CNTNAP3B: variants seen among roughly 807,000 people sequenced by gnomAD.
CNTNAP3B encodes contactin-associated protein-like 3B.
CNTNAP3B carries 25 observed loss-of-function variants against 108.9 expected under a neutral mutation model. The observed-to-expected ratio is 0.23, with a 90% CI of 0.17 to 0.32. The LOEUF (loss-of-function observed/expected upper bound fraction) is 0.32, where lower values mean the gene tolerates loss of function less well. Among genes scored for constraint, CNTNAP3B ranks in the 10% least tolerant of loss-of-function variants. CNTNAP3B has a pLI of 1.00. For missense variants in CNTNAP3B, 252 were observed against 1,210.4 expected, an observed-to-expected ratio of 0.21 and a Z score of 11.75; for synonymous variants, 103 against 473.4, an observed-to-expected ratio of 0.22 and a Z score of 10.16.
In CNTNAP3B at chr9:42,030,813, G is replaced by GGGGAGAGAGA. The variant is rs1554751524; in HGVS notation, c.391-17289_391-17288insTCTCTCTCCC. 3.0e-5 allele frequency among the ~76,000 whole-genome samples: 2 copies of GGGGAGAGAGA among 65,748 alleles called. 1 individual carries two copies. Among genetic ancestry groups the GGGGAGAGAGA allele is most frequent in the Non-Finnish European group, 5.4e-5 (2 of 36,962 alleles). The allele number at this position is 65,748 out of a possible 152,430, so 43.1% of individuals were successfully genotyped here. The stretch of plus-strand genomic sequence containing the variant: ...TGTGCGAGAGAGAGAGAGAGAGAGA[G>GGGGAGAGAGA]GAGAGAGAGAGAGAGAGAGAGAGAG... On this transcript the variant is annotated intron_variant, in intron 3 of 23. Coordinates refer to ENST00000377561, the MANE Select transcript of CNTNAP3B (RefSeq NM_001201380.3).
At chr9:41,999,552 C>CAT (rs1199448228) in intron 4 of CNTNAP3B, among the ~76,000 whole-genome samples, 20 of 123,402 alleles carry the variant, frequency 1.6e-4, no homozygotes, top group Middle Eastern at 3.5e-3. Flanking sequence ...CACACATACA[C>CAT]ACACACACAC....
At chr9:41,954,108 C>T (rs1321938059) in intron 12 of CNTNAP3B, among the ~76,000 whole-genome samples, 1 of 152,202 alleles carries the variant, frequency 6.6e-6, no homozygotes, top group Admixed American at 6.5e-5. Context: ...TCCCACCAGA[C>T]TTGAAGTCAC....
At chr9:42,001,459 C>T (rs1470279141) in intron 4 of CNTNAP3B, among the ~76,000 whole-genome samples, 6 of 134,152 alleles carry the variant, frequency 4.5e-5, no homozygotes, top group Admixed American at 2.3e-4. Context: ...CAAATATTCC[C>T]CTACAATATA....
intron 3 of CNTNAP3B, among the ~76,000 whole-genome samples, chr9:42,055,238 A>T (rs1486456290): frequency 7.2e-6 from 1 of 138,242 alleles, no homozygotes; most frequent in Non-Finnish European, 1.5e-5. Context: ...AGAGGGAAAA[A>T]ATGCTATGAT....
intron 2 of CNTNAP3B, among the ~76,000 whole-genome samples, chr9:42,089,933 G>A (rs1487873679): frequency 4.3e-5 from 6 of 138,386 alleles, no homozygotes; most frequent in South Asian, 2.3e-4. Flanking sequence ...TATAAAGCCC[G>A]TTTGAATCAT....
At chr9:41,921,347 C>T (rs1357025536) in intron 17 of CNTNAP3B, among the ~76,000 whole-genome samples, 149 of 152,284 alleles carry the variant, frequency 9.8e-4, no homozygotes, top group Non-Finnish European at 1.7e-3. Flanking sequence ...AGCCTCACTG[C>T]ACCTTAATAG....
At chr9:42,112,741 T>C (rs1828219172) in intron 1 of CNTNAP3B, among the ~76,000 whole-genome samples, 1 of 137,252 alleles carries the variant, frequency 7.3e-6, no homozygotes, top group Non-Finnish European at 1.5e-5. Flanking sequence ...TCAAATGACT[T>C]ACAGCACTAC....
chr9:42,051,884 G>A (rs1056408701), intron 3 of CNTNAP3B, among the ~76,000 whole-genome samples: 2 of 152,142 alleles, frequency 1.3e-5, no homozygotes, highest in African/African-American at 4.8e-5. Context: ...CAGAAGTTTA[G>A]CTAATAAAAC....
At chr9:41,940,006 A>G (rs1352547680) in intron 13 of CNTNAP3B, among the ~76,000 whole-genome samples, 1 of 152,296 alleles carries the variant, frequency 6.6e-6, no homozygotes, top group African/African-American at 2.4e-5. Flanking sequence ...GGGCTCAAGA[A>G]TAGAGTGAAA....
At chr9:41,931,075 G>A (rs929761233) in intron 14 of CNTNAP3B, among the ~76,000 whole-genome samples, 1 of 152,272 alleles carries the variant, frequency 6.6e-6, no homozygotes, top group Non-Finnish European at 1.5e-5. Context: ...TTTTTAAATT[G>A]CCCAGTTCTC....
At chr9:41,947,199 T>C (rs1319246779) in intron 13 of CNTNAP3B, among the ~76,000 whole-genome samples, 7 of 150,598 alleles carry the variant, frequency 4.6e-5, no homozygotes, top group Non-Finnish European at 7.4e-5. Flanking sequence ...CACTTAAGAA[T>C]AGCAGAATAT....
intron 12 of CNTNAP3B, among the ~76,000 whole-genome samples, chr9:41,958,780 C>A (rs1362606763): frequency 6.6e-6 from 1 of 151,860 alleles, no homozygotes; most frequent in Non-Finnish European, 1.5e-5. Context: ...TGAGGAAAGA[C>A]CTTGTTAAGA....
intron 3 of CNTNAP3B, among the ~76,000 whole-genome samples, chr9:42,030,061 A>G (rs1396126777): frequency 3.5e-5 from 2 of 57,106 alleles, no homozygotes; most frequent in African/African-American, 1.8e-4. Flanking sequence ...GGAGAATGGC[A>G]TGAACCCGGG....
chr9:41,969,113 T>C (rs1196188825), intron 10 of CNTNAP3B, among the ~76,000 whole-genome samples: 3 of 152,254 alleles, frequency 2.0e-5, no homozygotes, highest in Non-Finnish European at 4.4e-5. Flanking sequence ...CACTTTTCAA[T>C]TTTTAAATCT....
rs71227787 is a variant in CNTNAP3B at position 41,967,034 on chromosome 9, G to A, written c.1650-2390C>T. Among the ~76,000 whole-genome samples, 3 of 146,908 alleles carry A rather than the reference G, an allele frequency of 2.0e-5. No individual in the cohort carries two copies. The South Asian group carries it at 6.6e-4, about 32-fold the overall frequency. On this transcript the variant is annotated intron_variant, in intron 10 of 23. Transcript: ENST00000377561. ...ATTATTTGTGACTCTGTCATCCAAA[G>A]TGCCCATTGCTATTTTTTGCGTAGC...
chr9:41,938,982 A>C (rs1411069146), intron 13 of CNTNAP3B, among the ~76,000 whole-genome samples: 1 of 152,136 alleles, frequency 6.6e-6, no homozygotes, highest in African/African-American at 2.4e-5. Flanking sequence ...CTGAGGTTAG[A>C]AATTTCTCAT....
chr9:42,126,585 G>A (rs1367126172), intron 1 of CNTNAP3B, among the ~76,000 whole-genome samples: 1 of 134,196 alleles, frequency 7.5e-6, no homozygotes, highest in Non-Finnish European at 1.6e-5. Context: ...TTTTTGAGAC[G>A]GAGTTTTGCG....
intron 2 of CNTNAP3B, among the ~76,000 whole-genome samples, chr9:42,098,295 T>C (rs1181614547): frequency 2.3e-5 from 3 of 128,728 alleles, no homozygotes; most frequent in Admixed American, 7.8e-5. Context: ...ATAACTAGGC[T>C]GGGCGTGGTG....
intron 14 of CNTNAP3B, among the ~76,000 whole-genome samples, chr9:41,934,100 C>CATGTATATATATATAT (rs1824066353): frequency 1.1e-5 from 1 of 90,224 alleles, no homozygotes; most frequent in Admixed American, 1.3e-4. Context: ...ATATTTGTTA[C>CATGTATATATATATAT]ATATATATAT....
Sources: allele counts gnomAD v4.1 joint callset (sites outside exome capture counted in the v4.1 genomes callset), GRCh38; gene constraint gnomAD v4.1.1; transcripts MANE v1.5; gene names NCBI Gene and HGNC (gene_info 2026-07-23, HGNC 2026-07-21).